Variants in PCDHAC1 observed in about 807,000 individuals in gnomAD.
The protein encoded by PCDHAC1 is protocadherin alpha subfamily C, 1.
PCDHAC1 carries 42 observed loss-of-function variants against 60.0 expected under a neutral mutation model. The ratio of observed to expected loss-of-function variants is 0.70; its 90% CI spans 0.55 to 0.90. The LOEUF (loss-of-function observed/expected upper bound fraction) is 0.90, where lower values mean the gene tolerates loss of function less well. PCDHAC1 is among the 40% of genes least tolerant of loss of function. The probability of loss-of-function intolerance (pLI) is 0.00; values close to 1 mark genes in which losing one functional copy is unlikely to be tolerated. For missense variants in PCDHAC1, 1,160 were observed against 1,222.3 expected, an observed-to-expected ratio of 0.95 and a Z score of 0.76; for synonymous variants, 468 against 499.3, an observed-to-expected ratio of 0.94 and a Z score of 0.84.
intron 3 of PCDHAC1, among the ~76,000 whole-genome samples, chr5:141,003,942 G>C (rs1054043476): frequency 2.0e-5 from 3 of 152,148 alleles, no homozygotes; most frequent in Non-Finnish European, 2.9e-5. Flanking sequence ...TTGCCTGAGG[G>C]TGAGCTAGGA....
At chr5:140,983,257 A>C (rs2097036264) in intron 3 of PCDHAC1, among the ~76,000 whole-genome samples, 1 of 152,214 alleles carries the variant, frequency 6.6e-6, no homozygotes, top group Non-Finnish European at 1.5e-5. Context: ...GTTGTGTAAA[A>C]AACCTAATGG....
At chr5:141,009,034 C>T (rs183192515) in intron 3 of PCDHAC1, among the ~76,000 whole-genome samples, 64 of 152,344 alleles carry the variant, frequency 4.2e-4, no homozygotes, top group African/African-American at 1.5e-3. Context: ...TTTCCCATCC[C>T]GTTCCCAGTC....
At chr5:140,995,687 G>C (rs983290111) in intron 3 of PCDHAC1, among the ~76,000 whole-genome samples, 3 of 152,062 alleles carry the variant, frequency 2.0e-5, no homozygotes, top group Admixed American at 6.5e-5. Context: ...TTTTTTAATT[G>C]TTAAATAAAG....
chr5:141,007,831 C>T (rs1347788424), intron 3 of PCDHAC1, among the ~76,000 whole-genome samples: 2 of 152,296 alleles, frequency 1.3e-5, no homozygotes, highest in East Asian at 3.9e-4. Context: ...CAAGTAGCTA[C>T]CCATTAGAGA....
At chr5:140,947,755 G>T (rs1415482913) in intron 1 of PCDHAC1, among the ~76,000 whole-genome samples, 1 of 151,450 alleles carries the variant, frequency 6.6e-6, no homozygotes, top group Non-Finnish European at 1.5e-5. Flanking sequence ...GTATTTTATG[G>T]TTTAAAAAAT....
At position 140,929,224 on chromosome 5, in the gene PCDHAC1, G is replaced by A. The variant is rs138816649; in HGVS notation, c.2332G>A (p.Ala778Thr). 8.1e-6 allele frequency: 13 copies of A among 1,613,792 alleles called. No individual in the cohort carries two copies. In the African/African-American group the frequency reaches 1.5e-4, roughly 18 times the overall value. ...SLLLRGEYNA[A>T]DLRNLATGVG... ...GCTGTTGCGTGGGGAGTACAATGCT[G>A]CCGACCTGCGAAATCTTGCCACTGG... Residue 778 changes from alanine to threonine, a missense_variant, in exon 1 of 4, where the codon GCC becomes ACC. Physicochemically the swap from Ala to Thr is moderately conservative, Grantham distance 58. Transcript: ENST00000253807.
At chr5:140,936,043 C>A (rs1246569956) in intron 1 of PCDHAC1, among the ~76,000 whole-genome samples, 1 of 152,038 alleles carries the variant, frequency 6.6e-6, no homozygotes, top group Non-Finnish European at 1.5e-5. Context: ...CAGGCACCCA[C>A]CACCACACCC....
chr5:140,936,000 C>G (rs370629183), intron 1 of PCDHAC1, among the ~76,000 whole-genome samples: 1 of 150,536 alleles, frequency 6.6e-6, no homozygotes, highest in African/African-American at 2.4e-5. Flanking sequence ...TCAAGCGATT[C>G]TCCCACCTCA....
At chr5:140,975,352 T>G (rs2096663445) in intron 1 of PCDHAC1, among the ~76,000 whole-genome samples, 1 of 152,256 alleles carries the variant, frequency 6.6e-6, no homozygotes, top group African/African-American at 2.4e-5. Flanking sequence ...TAAAGCCAAC[T>G]GTGCTACATA....
intron 1 of PCDHAC1, among the ~76,000 whole-genome samples, chr5:140,951,121 C>A (rs1223231581): frequency 6.9e-6 from 1 of 145,374 alleles, no homozygotes; most frequent in African/African-American, 2.6e-5. Context: ...TCATTCCTTA[C>A]CAATAAGTTT....
chr5:141,001,381 A>G (rs1213919091), intron 3 of PCDHAC1, among the ~76,000 whole-genome samples: 1 of 152,218 alleles, frequency 6.6e-6, no homozygotes, highest in Non-Finnish European at 1.5e-5. Context: ...TACAGAGCCT[A>G]AGATCCTACA....
rs57893927 is a variant in PCDHAC1 at position 140,946,631 on chromosome 5, T to TATATAC, written c.2433+17307_2433+17308insTATACA. Among the ~76,000 whole-genome samples, 104 of 131,796 alleles carry TATATAC rather than the reference T, an allele frequency of 7.9e-4. 5 individuals are homozygous for TATATAC. Among genetic ancestry groups the TATATAC allele is most frequent in the Admixed American group, 1.7e-3 (23 of 13,490 alleles). The allele number at this position is 131,796 out of a possible 152,430, so 86.5% of individuals were successfully genotyped here. Reference sequence around the variant, plus strand: ...TGTGAAATATATATATATATATATATACAATGGAATACTCATCAGCCATTA... The same window carrying TATATAC: ...TGTGAAATATATATATATATATATATATATACACAATGGAATACTCATCAGCCATTA... On this transcript the variant is annotated intron_variant, in intron 1 of 3. Transcript: ENST00000253807.
At chr5:140,943,234 G>A (rs1161111493) in intron 1 of PCDHAC1, among the ~76,000 whole-genome samples, 3 of 145,508 alleles carry the variant, frequency 2.1e-5, no homozygotes, top group Non-Finnish European at 4.5e-5. Context: ...CTCCAGCCTG[G>A]GTCACAGAGT....
chr5:140,972,499 G>A (rs1398741603), intron 1 of PCDHAC1, among the ~76,000 whole-genome samples: 3 of 151,888 alleles, frequency 2.0e-5, no homozygotes, highest in South Asian at 4.2e-4. Flanking sequence ...TAATCTGTTG[G>A]TAGATTTTAC....
chr5:140,926,884 A>G lies in PCDHAC1; in HGVS notation c.-9A>G. 7 of 1,542,402 alleles carry G rather than the reference A, an allele frequency of 4.5e-6. No individual in the cohort carries two copies. The highest frequency in any genetic ancestry group is 6.1e-6 in the Non-Finnish European group (7 of 1,142,942). On this transcript the variant is annotated 5_prime_UTR_variant, in exon 1 of 4. Transcript: ENST00000253807. ...GCGTGTTGGTGGAACGTGGACGCCT[A>G]GAGGGAGGATGGTGGGCTGTGGGGT...
chr5:140,983,022 A>G (rs2097023004), intron 3 of PCDHAC1, among the ~76,000 whole-genome samples: 1 of 152,114 alleles, frequency 6.6e-6, no homozygotes, highest in Non-Finnish European at 1.5e-5. Flanking sequence ...GGAAGGAAGG[A>G]AGATGGTTTC....
chr5:140,955,501 A>G (rs1479045859), intron 1 of PCDHAC1, among the ~76,000 whole-genome samples: 5 of 152,114 alleles, frequency 3.3e-5, no homozygotes, highest in African/African-American at 1.2e-4. Context: ...CATGTGAAGA[A>G]AGACGTGTTT....
intron 1 of PCDHAC1, among the ~76,000 whole-genome samples, chr5:140,944,043 T>C (rs2093600641): frequency 6.6e-6 from 1 of 152,080 alleles, no homozygotes; most frequent in African/African-American, 2.4e-5. Flanking sequence ...GAAAACCAGA[T>C]TGGGATACAA....
chr5:140,969,371 T>C (rs2096324872), intron 1 of PCDHAC1: 1 of 1,607,688 alleles, frequency 6.2e-7, no homozygotes, highest in Non-Finnish European at 8.5e-7. Context: ...AACTCATGCA[T>C]TTGTTACACA....
Sources: allele counts gnomAD v4.1 joint callset (sites outside exome capture counted in the v4.1 genomes callset), GRCh38; gene constraint gnomAD v4.1.1; transcripts MANE v1.5; gene names NCBI Gene and HGNC (gene_info 2026-07-23, HGNC 2026-07-21).